Variants in SLC14A2 observed in about 807,000 individuals in gnomAD.
SLC14A2 encodes the protein urea transporter 2.
SLC14A2 carries 91 observed loss-of-function variants against 104.6 expected under a neutral mutation model. That is an observed-to-expected ratio of 0.87 (90% CI 0.73 to 1.04). SLC14A2 has a LOEUF of 1.04. Ranked by LOEUF, SLC14A2 falls within the 50% of genes least tolerant of loss-of-function variation. The pLI is 0.00. For missense variants in SLC14A2, 1,189 were observed against 1,156.0 expected, an observed-to-expected ratio of 1.03 and a Z score of -0.41; for synonymous variants, 476 against 466.4, an observed-to-expected ratio of 1.02 and a Z score of -0.27.
chr18:45,266,573 T>G (rs2084594384), intron 1 of SLC14A2, among the ~76,000 whole-genome samples: 1 of 152,090 alleles, frequency 6.6e-6, no homozygotes, highest in African/African-American at 2.4e-5. Flanking sequence ...CTAAACTCCC[T>G]TAAAAAAAAT....
intron 1 of SLC14A2, among the ~76,000 whole-genome samples, chr18:45,292,110 G>A (rs561745623): frequency 1.8e-4 from 28 of 152,174 alleles, no homozygotes; most frequent in Non-Finnish European, 3.2e-4. Context: ...CTTGCAGCCC[G>A]ACCTTAATCT....
intron 1 of SLC14A2, among the ~76,000 whole-genome samples, chr18:45,254,907 C>T (rs1329285935): frequency 2.0e-5 from 3 of 152,154 alleles, no homozygotes; most frequent in Admixed American, 6.5e-5. Context: ...TTCCCTGGGG[C>T]AGGCCTGGGC....
At chr18:45,474,857 T>A (rs1036942480) in intron 1 of SLC14A2, among the ~76,000 whole-genome samples, 1 of 152,068 alleles carries the variant, frequency 6.6e-6, no homozygotes, top group Non-Finnish European at 1.5e-5. Context: ...TTTTGAAGGG[T>A]TTTTTGTGTC....
Position 45,444,948 on chromosome 18 carries a change from C to T in SLC14A2, c.-124-38285C>T, listed in dbSNP as rs143000151. 4.6e-5 allele frequency among the ~76,000 whole-genome samples: 7 copies of T among 152,212 alleles called. No homozygotes were observed. The East Asian group carries it at 1.4e-3, about 29-fold the overall frequency. The stretch of plus-strand genomic sequence containing the variant: ...TGGATTTGATAGCCAGTATCTAATA[C>T]AATGACTGGTACCAAGTAATGTGCT... On this transcript the variant is annotated intron_variant, in intron 1 of 20. Coordinates refer to the SLC14A2 transcript ENST00000586448.
intron 2 of SLC14A2, among the ~76,000 whole-genome samples, chr18:45,573,233 ATTTCTAGCAGG>A (rs1396032305): frequency 6.6e-6 from 1 of 152,216 alleles, no homozygotes; most frequent in Non-Finnish European, 1.5e-5. Flanking sequence ...TGATAACTGC[ATTTCTAGCAGG>A]TTTCTAGATG....
At chr18:45,627,255 C>T (rs1404361500) in intron 4 of SLC14A2, 108 bp downstream of exon 4, 1 of 952,718 alleles carries the variant, frequency 1.0e-6, no homozygotes, top group African/African-American at 1.6e-5. Context: ...CCAAAGTCTC[C>T]TGAGTATCAA....
chr18:45,644,231 T>C, intron 10 of SLC14A2, 71 bp downstream of exon 10: 1 of 1,497,834 alleles, frequency 6.7e-7, no homozygotes, highest in Admixed American at 1.7e-5. Flanking sequence ...TTCTCTGCTC[T>C]GGTTCAATCA....
At chr18:45,194,210 C>T in the SLC14A2 span, among the ~76,000 whole-genome samples, 1 of 152,160 alleles carries the variant, frequency 6.6e-6, no homozygotes, top group Non-Finnish European at 1.5e-5. Flanking sequence ...CTATATTACA[C>T]TAACTAGAAT....
chr18:45,400,132 C>T (rs1447376280), intron 1 of SLC14A2, among the ~76,000 whole-genome samples: 1 of 152,200 alleles, frequency 6.6e-6, no homozygotes, highest in Non-Finnish European at 1.5e-5. Flanking sequence ...ACATATCGTA[C>T]ACTCCTCACA....
At chr18:45,195,887 ACAAAT>A in the SLC14A2 span, among the ~76,000 whole-genome samples, 1 of 152,210 alleles carries the variant, frequency 6.6e-6, no homozygotes, top group African/African-American at 2.4e-5. Context: ...AAAATATGAG[ACAAAT>A]CAAACAGAGT....
intron 1 of SLC14A2, among the ~76,000 whole-genome samples, chr18:45,478,989 C>T (rs1240001599): frequency 3.3e-5 from 5 of 152,248 alleles, no homozygotes; most frequent in Non-Finnish European, 5.9e-5. Context: ...GGTGTTGGTT[C>T]TGCCCTCTTT....
chr18:45,182,419 G>GA, the SLC14A2 span, among the ~76,000 whole-genome samples: 1 of 151,614 alleles, frequency 6.6e-6, no homozygotes, highest in Non-Finnish European at 1.5e-5. Flanking sequence ...AAAAATAACT[G>GA]AAAAAAATTG....
chr18:45,515,295 A>AT (rs2043422724), intron 2 of SLC14A2: 1 of 152,352 alleles, frequency 6.6e-6, no homozygotes, highest in East Asian at 1.9e-4. Flanking sequence ...GCTAAAATGA[A>AT]TTTTAAGGAG....
At chr18:45,520,136 C>A (rs1157323465) in intron 2 of SLC14A2, among the ~76,000 whole-genome samples, 3 of 152,238 alleles carry the variant, frequency 2.0e-5, no homozygotes, top group African/African-American at 4.8e-5. Context: ...TAAAAAGATG[C>A]TTTAGCCATA....
chr18:45,632,492 T>A lies in SLC14A2; in HGVS notation c.650+14T>A. 1 of 1,612,440 alleles carries A rather than the reference T, an allele frequency of 6.2e-7. No homozygotes were observed. The highest frequency in any genetic ancestry group is 8.5e-7 in the Non-Finnish European group (1 of 1,179,254). Reference sequence around the variant, plus strand: ...AGCCATGTCCTGGTGAGGCACCTCATTTTTTCTGCTCACAGCTCCATGGGG... The same window carrying A: ...AGCCATGTCCTGGTGAGGCACCTCAATTTTTCTGCTCACAGCTCCATGGGG... On this transcript the variant is annotated intron_variant, in intron 5 of 19. Transcript: ENST00000255226.
At position 45,405,870 on chromosome 18, in the gene SLC14A2, G is replaced by C. The variant is rs554336750; in HGVS notation, c.-124-77363G>C. Among the ~76,000 whole-genome samples, 12 of 144,586 alleles carry C rather than the reference G, an allele frequency of 8.3e-5. No homozygotes were observed. In the South Asian group the frequency reaches 2.4e-3, roughly 29 times the overall value. 94.9% of individuals were successfully genotyped at this position (144,586 alleles called of 152,430 possible). On this transcript the variant is annotated intron_variant, in intron 1 of 20. Transcript: ENST00000586448. ...GCTGAAATCTCGCCACTGCACTCCA[G>C]CCTGTGCGACAGGGAGACTCCATCT...
At chr18:45,191,429 T>C in the SLC14A2 span, among the ~76,000 whole-genome samples, 6 of 152,212 alleles carry the variant, frequency 3.9e-5, no homozygotes, top group Admixed American at 2.6e-4. Context: ...AGAATAGGAA[T>C]GCCCAAGGTA....
intron 1 of SLC14A2, among the ~76,000 whole-genome samples, chr18:45,416,597 TA>T (rs1030026171): frequency 6.6e-6 from 1 of 152,182 alleles, no homozygotes; most frequent in Non-Finnish European, 1.5e-5. Flanking sequence ...GTCTTTGTTG[TA>T]TATGATCATT....
chr18:45,293,945 G>T (rs149106152), intron 1 of SLC14A2, among the ~76,000 whole-genome samples: 11 of 152,322 alleles, frequency 7.2e-5, no homozygotes, highest in African/African-American at 2.6e-4. Context: ...AACTGAGCGA[G>T]ATGCGAAACA....
Sources: gnomAD v4.1 joint callset for allele counts (sites outside exome capture counted in the v4.1 genomes callset) on GRCh38, gnomAD v4.1.1 for gene constraint, MANE v1.5 for transcripts, NCBI Gene and HGNC (gene_info 2026-07-23, HGNC 2026-07-21) for gene names.